KCNK2: variants seen among roughly 807,000 people sequenced by gnomAD.
KCNK2 encodes potassium two pore domain channel subfamily K member 2, also known as potassium channel subfamily K member 2.
Under a neutral mutation model 40.5 loss-of-function variants are expected in KCNK2, and 21 were observed. That is an observed-to-expected ratio of 0.52 (90% CI 0.37 to 0.75). The LOEUF (loss-of-function observed/expected upper bound fraction) is 0.75. KCNK2 is among the 30% of genes least tolerant of loss of function. The pLI is 0.00. For synonymous variants in KCNK2, 191 were observed against 202.2 expected, an observed-to-expected ratio of 0.94 and a Z score of 0.47; for missense variants, 399 against 531.6, an observed-to-expected ratio of 0.75 and a Z score of 2.45.
At chr1:215,109,021 C>G (rs951313171) in intron 2 of KCNK2, among the ~76,000 whole-genome samples, 35 of 151,462 alleles carry the variant, frequency 2.3e-4, no homozygotes, top group Non-Finnish European at 2.4e-4. Context: ...ATATATATAT[C>G]ATTCATTCAT....
At chr1:215,096,675 T>G (rs1172835807) in intron 2 of KCNK2, among the ~76,000 whole-genome samples, 1 of 151,912 alleles carries the variant, frequency 6.6e-6, no homozygotes, top group Non-Finnish European at 1.5e-5. Flanking sequence ...CTTCATGACA[T>G]GGACCATTTT....
intron 3 of KCNK2, among the ~76,000 whole-genome samples, chr1:215,127,038 C>G (rs1460383572): frequency 6.6e-6 from 1 of 152,072 alleles, no homozygotes; most frequent in Non-Finnish European, 1.5e-5. Context: ...AATAATATTG[C>G]TAATGATAAT....
chr1:215,191,416 C>T (rs1664660566), intron 5 of KCNK2, among the ~76,000 whole-genome samples: 1 of 152,024 alleles, frequency 6.6e-6, no homozygotes, highest in Non-Finnish European at 1.5e-5. Flanking sequence ...CTGTTTCCAG[C>T]AAATGTTTAG....
At chr1:215,214,084 G>A (rs971960245) in intron 6 of KCNK2, among the ~76,000 whole-genome samples, 1 of 152,048 alleles carries the variant, frequency 6.6e-6, no homozygotes, top group Non-Finnish European at 1.5e-5. Context: ...CATGGTTGGC[G>A]TCGTATTAGT....
intron 5 of KCNK2, among the ~76,000 whole-genome samples, chr1:215,176,193 G>A (rs1022192972): frequency 1.1e-4 from 17 of 152,186 alleles, no homozygotes; most frequent in African/African-American, 4.1e-4. Context: ...CTTTCTGACT[G>A]CTATGAGATG....
chr1:215,182,352 A>T (rs1392742556), intron 5 of KCNK2, among the ~76,000 whole-genome samples: 1 of 152,050 alleles, frequency 6.6e-6, no homozygotes, highest in Admixed American at 6.6e-5. Context: ...CTGCACAACA[A>T]TCTATGTCCA....
chr1:215,107,665 C>T (rs1376624708), intron 2 of KCNK2, among the ~76,000 whole-genome samples: 1 of 151,938 alleles, frequency 6.6e-6, no homozygotes, highest in Non-Finnish European at 1.5e-5. Context: ...TATGCAAGTC[C>T]TTAGCCCATT....
intron 5 of KCNK2, among the ~76,000 whole-genome samples, chr1:215,180,203 G>A (rs1240075284): frequency 2.6e-5 from 4 of 151,968 alleles, no homozygotes; most frequent in Non-Finnish European, 5.9e-5. Flanking sequence ...TGTTCTGTTT[G>A]TGTGACAGAT....
intron 4 of KCNK2, among the ~76,000 whole-genome samples, chr1:215,171,447 C>G (rs1190636101): frequency 6.6e-6 from 1 of 151,834 alleles, no homozygotes; most frequent in Non-Finnish European, 1.5e-5. Flanking sequence ...ATGCTGTAAT[C>G]AATTAAATTG....
intron 1 of KCNK2, among the ~76,000 whole-genome samples, chr1:215,074,792 C>T (rs1015406920): frequency 1.3e-5 from 2 of 151,972 alleles, no homozygotes; most frequent in African/African-American, 2.4e-5. Flanking sequence ...AGGTAAGAAA[C>T]GTTGAAGTCT....
At position 215,101,285 on chromosome 1, in the gene KCNK2, G is replaced by A. The variant is rs376890032; in HGVS notation, c.357+14607G>A. ...GCTAATCATCTGAAGACTAAACAAC[G>A]CCTAATGAGATAGAGATGGGAGGTG... On this transcript the variant is annotated intron_variant, in intron 2 of 6. Coordinates refer to ENST00000444842, the MANE Select transcript of KCNK2 (RefSeq NM_001017425.3). Among the ~76,000 whole-genome samples, 96 of 152,068 alleles carry A rather than the reference G, an allele frequency of 6.3e-4. 1 individual carries two copies. In the South Asian group the frequency reaches 0.019, roughly 30 times the overall value.
At chr1:215,133,829 G>C (rs1661778265) in intron 3 of KCNK2, among the ~76,000 whole-genome samples, 1 of 152,138 alleles carries the variant, frequency 6.6e-6, no homozygotes. Context: ...ATTCCATACA[G>C]CCAACTCTTG....
At chr1:215,092,510 G>A (rs1659732734) in intron 2 of KCNK2, among the ~76,000 whole-genome samples, 1 of 152,166 alleles carries the variant, frequency 6.6e-6, no homozygotes, top group African/African-American at 2.4e-5. Flanking sequence ...GTAAAGCCAT[G>A]CATCAGAGGC....
intron 5 of KCNK2, among the ~76,000 whole-genome samples, chr1:215,178,176 G>A (rs1021857940): frequency 6.6e-6 from 1 of 151,870 alleles, no homozygotes; most frequent in African/African-American, 2.4e-5. Flanking sequence ...AATGTTATTG[G>A]TATACAAAAT....
At chr1:215,023,682 A>G (rs1656891579) in intron 1 of KCNK2, among the ~76,000 whole-genome samples, 1 of 152,222 alleles carries the variant, frequency 6.6e-6, no homozygotes, top group African/African-American at 2.4e-5. Flanking sequence ...GTTTTGACAT[A>G]TATTCTCATC....
At chr1:215,124,562 G>C in intron 2 of KCNK2, 71 bp from the exon 3 acceptor site, 1 of 861,320 alleles carries the variant, frequency 1.2e-6, no homozygotes. Flanking sequence ...TCATTTCTGG[G>C]GTGGAATATA....
chr1:215,023,329 C>A (rs1242210929), intron 1 of KCNK2, among the ~76,000 whole-genome samples: 1 of 152,204 alleles, frequency 6.6e-6, no homozygotes, highest in Admixed American at 6.5e-5. Flanking sequence ...CCTGTGCACT[C>A]TTCTTGACAG....
chr1:215,096,070 T>C (rs1482327755), intron 2 of KCNK2, among the ~76,000 whole-genome samples: 2 of 152,064 alleles, frequency 1.3e-5, no homozygotes, highest in African/African-American at 4.8e-5. Flanking sequence ...TTTTATCCTT[T>C]CTTGCTTGCT....
At chr1:215,230,056 GATAT>G (rs201820502) in intron 6 of KCNK2, among the ~76,000 whole-genome samples, 3 of 135,288 alleles carry the variant, frequency 2.2e-5, no homozygotes, top group Admixed American at 7.5e-5. Flanking sequence ...TATACACACA[GATAT>G]ATATATAGAT....
Sources: gnomAD v4.1 joint callset for allele counts (sites outside exome capture counted in the v4.1 genomes callset) on GRCh38, gnomAD v4.1.1 for gene constraint, MANE v1.5 for transcripts, NCBI Gene and HGNC (gene_info 2026-07-23, HGNC 2026-07-21) for gene names.